RIN2: variants seen among roughly 807,000 people sequenced by gnomAD.
RIN2 encodes Ras and Rab interactor 2, also known as RAB5 interacting protein 2.
RIN2 carries 36 observed loss-of-function variants against 78.0 expected under a neutral mutation model. That is an observed-to-expected ratio of 0.46 (90% CI 0.35 to 0.61). RIN2 has a LOEUF of 0.61. Among genes scored for constraint, RIN2 ranks in the 20% least tolerant of loss-of-function variants. The pLI, the probability that RIN2 is intolerant of heterozygous loss-of-function variation, is 0.00. For synonymous variants in RIN2, 466 were observed against 466.8 expected (o/e 1.00, Z 0.02); for missense variants, 1,087 against 1,159.7 (o/e 0.94, Z 0.91).
chr20:19,816,129 T>C (rs1321410220), intron 2 of RIN2, among the ~76,000 whole-genome samples: 1 of 152,256 alleles, frequency 6.6e-6, no homozygotes, highest in East Asian at 1.9e-4. Context: ...CAGATTCATT[T>C]ATCTCAAACA....
chr20:19,838,906 A>C (rs570054293), intron 2 of RIN2, among the ~76,000 whole-genome samples: 103 of 152,068 alleles, frequency 6.8e-4, no homozygotes, highest in African/African-American at 2.5e-3. Context: ...CCAGCCCCCA[A>C]ACCTCCACCC....
chr20:19,858,903 G>A (rs918673344), intron 2 of RIN2, among the ~76,000 whole-genome samples: 4 of 152,196 alleles, frequency 2.6e-5, no homozygotes, highest in Non-Finnish European at 4.4e-5. Context: ...GTTGGCAGGG[G>A]GCTCGGGACA....
At chr20:19,894,953 G>A (rs1294293360) in intron 3 of RIN2, among the ~76,000 whole-genome samples, 1 of 151,984 alleles carries the variant, frequency 6.6e-6, no homozygotes, top group Non-Finnish European at 1.5e-5. Context: ...CACTTTCCCG[G>A]AACTCTTCCT....
chr20:19,769,292 G>A (rs2122389767), intron 1 of RIN2, among the ~76,000 whole-genome samples: 1 of 152,298 alleles, frequency 6.6e-6, no homozygotes, highest in South Asian at 2.1e-4. Flanking sequence ...GGTAAGTAAT[G>A]AATAGGATAG....
intron 3 of RIN2, among the ~76,000 whole-genome samples, chr20:19,921,831 G>A (rs2039936266): frequency 6.7e-6 from 1 of 149,364 alleles, no homozygotes; most frequent in Admixed American, 6.7e-5. Context: ...TCCCCTAAGG[G>A]TAAATTTGGA....
Position 19,975,078 on chromosome 20 carries a change from G to A in RIN2, c.1053G>A (p.Thr351=). 1 of 1,613,522 alleles carries A rather than the reference G, an allele frequency of 6.2e-7. No homozygotes were observed. Residue 351 remains threonine (T), a synonymous_variant, in exon 9 of 13, where the codon ACG becomes ACA. Coordinates refer to ENST00000255006, the MANE Select transcript of RIN2 (RefSeq NM_018993.4). The surrounding 1 kb of genome is among the most constrained non-coding windows in gnomAD (Gnocchi z 4.9). The stretch of plus-strand genomic sequence containing the variant: ...ATGGGAACGTAGCTCTGCCTGGAAC[G>A]AAACCAACTCCCATCCCTCCACCCC... ...NKHGNVALPG[T]KPTPIPPPRL...
intron 2 of RIN2, among the ~76,000 whole-genome samples, chr20:19,888,728 G>A (rs867322627): frequency 6.6e-6 from 1 of 152,238 alleles, no homozygotes; most frequent in Non-Finnish European, 1.5e-5. Context: ...AGGGTTTGGG[G>A]TTGCTCCCCC....
intron 2 of RIN2, among the ~76,000 whole-genome samples, chr20:19,877,049 T>C (rs1484716549): frequency 6.6e-6 from 1 of 152,210 alleles, no homozygotes; most frequent in Non-Finnish European, 1.5e-5. Context: ...TTTGCTTTAC[T>C]GATTTCAGCA....
At chr20:19,927,312 G>A (rs1478723149) in intron 3 of RIN2, among the ~76,000 whole-genome samples, 4 of 152,052 alleles carry the variant, frequency 2.6e-5, no homozygotes, top group Non-Finnish European at 4.4e-5. Context: ...CAGTGGCACC[G>A]TCATGGCTCA....
At chr20:19,830,147 G>GAT (rs1374681673) in intron 2 of RIN2, among the ~76,000 whole-genome samples, 2 of 152,188 alleles carry the variant, frequency 1.3e-5, no homozygotes, top group African/African-American at 4.8e-5. Flanking sequence ...GGGAGAGTAG[G>GAT]ATGAAATTTG....
intron 2 of RIN2, among the ~76,000 whole-genome samples, chr20:19,816,120 A>G (rs1474687486): frequency 2.0e-5 from 3 of 152,234 alleles, no homozygotes; most frequent in Non-Finnish European, 4.4e-5. Flanking sequence ...AACTTGGAAC[A>G]GATTCATTTA....
intron 4 of RIN2, among the ~76,000 whole-genome samples, chr20:19,939,157 G>A (rs575962529): frequency 4.6e-5 from 7 of 152,142 alleles, no homozygotes; most frequent in Middle Eastern, 3.4e-3. Flanking sequence ...AGCAATTCTC[G>A]TGCCTCAGCC....
chr20:19,779,754 C>T (rs1025754785), intron 1 of RIN2, among the ~76,000 whole-genome samples: 1 of 152,196 alleles, frequency 6.6e-6, no homozygotes, highest in Non-Finnish European at 1.5e-5. Flanking sequence ...ACAATCTAGT[C>T]ATGCCATGGC....
At chr20:19,955,340 T>A (rs1410539485) in intron 4 of RIN2, among the ~76,000 whole-genome samples, 2 of 152,134 alleles carry the variant, frequency 1.3e-5, no homozygotes, top group Non-Finnish European at 2.9e-5. Context: ...TTACTCTTTT[T>A]TTTTTCTTTT....
chr20:19,837,749 CTCTT>C (rs887605613), intron 2 of RIN2, among the ~76,000 whole-genome samples: 10 of 149,274 alleles, frequency 6.7e-5, no homozygotes, highest in African/African-American at 1.7e-4. Context: ...TTTCTTTTTT[CTCTT>C]TCTTTTTTCT....
Position 19,975,839 on chromosome 20 carries a change from A to T in RIN2, c.1762+52A>T. On this transcript the variant is annotated intron_variant, in intron 9 of 12. Coordinates refer to ENST00000255006, the MANE Select transcript of RIN2 (RefSeq NM_018993.4). This position sits in a 1 kb window ranked among gnomAD's most constrained non-coding sequence, Gnocchi z 4.9. ...AAATCTATTGTAACTCTGTCCGGGC[A>T]GTGCAACCTATGTTTGTTATTTTTT... 5 of 1,477,234 alleles carry T rather than the reference A, an allele frequency of 3.4e-6. No individual in the cohort carries two copies. The highest frequency in any genetic ancestry group is 3.7e-6 in the Non-Finnish European group (4 of 1,079,680). 91.5% of individuals were successfully genotyped at this position (1,477,234 alleles called of 1,614,324 possible). A position where few individuals can be genotyped will look rare whatever the true frequency, so the allele number is the denominator to read the frequency against.
chr20:19,801,848 C>T (rs1265566466), intron 2 of RIN2, among the ~76,000 whole-genome samples: 1 of 152,164 alleles, frequency 6.6e-6, no homozygotes, highest in South Asian at 2.1e-4. Context: ...GGTATAAATA[C>T]TGAAGTCTTA....
chr20:19,929,574 C>G (rs1465615516), intron 3 of RIN2, among the ~76,000 whole-genome samples: 6 of 152,086 alleles, frequency 3.9e-5, no homozygotes, highest in Non-Finnish European at 8.8e-5. Flanking sequence ...GTTGGCGAGG[C>G]TGGTTTCAAA....
intron 2 of RIN2, among the ~76,000 whole-genome samples, chr20:19,840,981 G>A (rs563035880): frequency 3.3e-5 from 5 of 151,692 alleles, no homozygotes; most frequent in South Asian, 2.1e-4. Flanking sequence ...TTTTTTCTTC[G>A]GCCTCTCTTA....
Sources: allele counts gnomAD v4.1 joint callset (sites outside exome capture counted in the v4.1 genomes callset), GRCh38; gene constraint gnomAD v4.1.1; non-coding constraint Gnocchi (gnomAD v3.1); transcripts MANE v1.5; gene names NCBI Gene and HGNC (gene_info 2026-07-23, HGNC 2026-07-21).